TRIP11: variants seen among roughly 807,000 people sequenced by gnomAD.
TRIP11 encodes the protein thyroid receptor-interacting protein 11.
Under a neutral mutation model 223.1 loss-of-function variants are expected in TRIP11, and 148 were observed. That is an observed-to-expected ratio of 0.66 (90% CI 0.58 to 0.76). The LOEUF (loss-of-function observed/expected upper bound fraction) is 0.76. TRIP11 is among the 30% of genes least tolerant of loss of function. The pLI, the probability that TRIP11 is intolerant of heterozygous loss-of-function variation, is 0.00. For synonymous variants in TRIP11, 762 were observed against 772.6 expected (o/e 0.99, Z 0.23); for missense variants, 2,043 against 2,222.0 (o/e 0.92, Z 1.62).
chr14:92,007,920 C>T (rs919345994), intron 9 of TRIP11, 68 bp from the exon 10 acceptor site: 1 of 1,279,472 alleles, frequency 7.8e-7, no homozygotes, highest in South Asian at 1.3e-5. Flanking sequence ...TAAAAACATA[C>T]ATAGAAGCAA....
At chr14:92,011,481 C>G in intron 8 of TRIP11, among the ~76,000 whole-genome samples, 1 of 53,790 alleles carries the variant, frequency 1.9e-5, no homozygotes. Context: ...AAGACTCCGT[C>G]TCAAAAAAAA....
chr14:92,004,428 A>G lies in TRIP11; in HGVS notation c.3548T>C (p.Leu1183Ser), dbSNP rs2056870604. 1.2e-6 allele frequency: 2 copies of G among 1,614,016 alleles called. No homozygotes were observed. The highest frequency in any genetic ancestry group is 2.2e-5 in the South Asian group (2 of 91,088). Residue 1183 changes from leucine to serine, a missense_variant, in exon 11 of 21, where the codon TTA becomes TCA. Coordinates refer to ENST00000267622, the MANE Select transcript of TRIP11 (RefSeq NM_004239.4). ...GCTGGATGTTTGTAAAACTGCCAAT[A>G]AAGTCTGACATTTCTGACTTAGTGC... ...IDALSQKCQT[L>S]LAVLQTSSTG...
At chr14:92,028,399 C>A (rs1484341602) in intron 2 of TRIP11, among the ~76,000 whole-genome samples, 1 of 151,898 alleles carries the variant, frequency 6.6e-6, no homozygotes, top group African/African-American at 2.4e-5. Context: ...AATACAAATA[C>A]AAAATTAGCT....
At chr14:92,021,227 T>C (rs1013563031) in intron 4 of TRIP11, among the ~76,000 whole-genome samples, 1 of 151,712 alleles carries the variant, frequency 6.6e-6, no homozygotes, top group African/African-American at 2.4e-5. Flanking sequence ...ACCCCATCTC[T>C]ACTAAAGATA....
At chr14:91,997,641 G>A (rs1028447290) in intron 13 of TRIP11, among the ~76,000 whole-genome samples, 9 of 151,812 alleles carry the variant, frequency 5.9e-5, no homozygotes, top group Non-Finnish European at 8.8e-5. Flanking sequence ...GCAGAAGAAG[G>A]CATATGAAAA....
chr14:92,017,016 A>G (rs992378665), intron 5 of TRIP11, among the ~76,000 whole-genome samples: 7 of 152,218 alleles, frequency 4.6e-5, no homozygotes, highest in Admixed American at 3.3e-4. Flanking sequence ...TAAAATAAGT[A>G]TTTCCAATGC....
chr14:92,002,600 A>T (rs1181043692), intron 11 of TRIP11, among the ~76,000 whole-genome samples: 4 of 150,644 alleles, frequency 2.7e-5, no homozygotes, highest in African/African-American at 4.9e-5. Context: ...TTATTGAGAC[A>T]GAGTCTTGTT....
chr14:92,029,289 T>A (rs55724900), intron 2 of TRIP11, among the ~76,000 whole-genome samples: 1,744 of 66,854 alleles, frequency 0.026, 39 homozygotes, highest in African/African-American at 0.065. Flanking sequence ...TATTTTTTTT[T>A]TTTTTTTTTT....
Position 91,966,996 on chromosome 14 carries a change from T to A in TRIP11, c.*2677A>T, listed in dbSNP as rs941492714. 2.0e-5 allele frequency: 4 copies of A among 202,600 alleles called. No individual in the cohort carries two copies. The highest frequency in any genetic ancestry group is 9.2e-5 in the African/African-American group (4 of 43,604). The allele number at this position is 202,600 out of a possible 1,614,324, so 12.6% of individuals were successfully genotyped here. Reference sequence around the variant, plus strand: ...ATCACTGGTTACTAAGACGGTTCAGTGAGCAGGTGGTTCATCTCTGACACA... The same window carrying A: ...ATCACTGGTTACTAAGACGGTTCAGAGAGCAGGTGGTTCATCTCTGACACA... On this transcript the variant is annotated 3_prime_UTR_variant, in exon 21 of 21. Transcript: ENST00000267622.
rs561202970 is a variant in TRIP11 at position 91,974,503 on chromosome 14, C to T, written c.5574+124G>A. 4.0e-5 allele frequency: 32 copies of T among 797,162 alleles called. 1 individual carries two copies. The East Asian group carries it at 8.3e-4, about 21-fold the overall frequency. 49.4% of individuals were successfully genotyped at this position (797,162 alleles called of 1,614,324 possible). The stretch of plus-strand genomic sequence containing the variant: ...TAATCACCTCTCTGGAACTCAGTTT[C>T]TGCAACTTCAAAATAAAAGGGTTGT... On this transcript the variant is annotated intron_variant, in intron 19 of 20. Coordinates refer to ENST00000267622, the MANE Select transcript of TRIP11 (RefSeq NM_004239.4).
At chr14:92,034,661 C>A (rs1024897296) in intron 1 of TRIP11, among the ~76,000 whole-genome samples, 5 of 152,182 alleles carry the variant, frequency 3.3e-5, no homozygotes, top group African/African-American at 1.2e-4. Flanking sequence ...TTTTAATTTT[C>A]TTGGAAAGGG....
Position 92,019,822 on chromosome 14 carries a change from C to G in TRIP11, c.588+1734G>C, listed in dbSNP as rs139453184. ...TAAATATTTAACGCAAATTTTGGTTCACACACAAGTTATATAATATTACTT... is the reference window on the plus strand; with the variant it reads ...TAAATATTTAACGCAAATTTTGGTTGACACACAAGTTATATAATATTACTT... On this transcript the variant is annotated intron_variant, in intron 4 of 20. Transcript: ENST00000267622. 6.3e-3 allele frequency among the ~76,000 whole-genome samples: 961 copies of G among 152,268 alleles called. 11 individuals are homozygous for G. Among genetic ancestry groups the G allele is most frequent in the African/African-American group, 0.022 (900 of 41,538 alleles).
At chr14:92,032,810 G>T (rs1310482048) in intron 2 of TRIP11, among the ~76,000 whole-genome samples, 1 of 149,744 alleles carries the variant, frequency 6.7e-6, no homozygotes, top group East Asian at 2.0e-4. Context: ...TCCAGCCTGG[G>T]TGACAGAGTG....
intron 7 of TRIP11, among the ~76,000 whole-genome samples, chr14:92,012,875 A>C (rs2056989316): frequency 6.6e-6 from 1 of 152,192 alleles, no homozygotes; most frequent in Non-Finnish European, 1.5e-5. Context: ...TAAAGTACTA[A>C]ATGCAGGGGA....
chr14:92,017,676 ACTTAC>A lies in TRIP11; in HGVS notation c.657+1_657+5del, dbSNP rs2057051383. ...ACTCCCATCATCAATCAACAATTTG[ACTTAC>A]CTTAATGATATTTTGTAGTTTACAT... On this transcript the variant is annotated splice_donor_variant and splice_donor_5th_base_variant and intron_variant, in intron 5 of 20. Coordinates refer to ENST00000267622, the MANE Select transcript of TRIP11 (RefSeq NM_004239.4). LOFTEE classifies it high-confidence loss of function. 1 of 1,605,512 alleles carries A rather than the reference ACTTAC, an allele frequency of 6.2e-7. No individual in the cohort carries two copies. The highest frequency in any genetic ancestry group is 1.1e-5 in the South Asian group (1 of 90,724).
At position 91,972,927 on chromosome 14, in the gene TRIP11, A is replaced by G. The variant is rs2056417287; in HGVS notation, c.5575-66T>C. The G allele has an allele frequency of 3.8e-6, 5 of 1,300,508 alleles. No individual in the cohort carries two copies. The South Asian group carries it at 6.8e-5, about 18-fold the overall frequency. 80.6% of individuals were successfully genotyped at this position (1,300,508 alleles called of 1,614,324 possible). ...AGTTATATTCACTACAACTAAGGAA[A>G]TGTACCAGCTTTTCTAATTAAATAT... is the stretch of plus-strand genomic sequence containing the variant. On this transcript the variant is annotated intron_variant, in intron 19 of 20. Coordinates refer to ENST00000267622, the MANE Select transcript of TRIP11 (RefSeq NM_004239.4).
chr14:92,003,373 TC>T, intron 11 of TRIP11, 45 bp downstream of exon 11: 2 of 1,607,452 alleles, frequency 1.2e-6, no homozygotes. Flanking sequence ...AAAAAAAGTC[TC>T]CTCCACCCCC....
rs2056375387 is a variant in TRIP11 at position 91,969,578 on chromosome 14, G to A, written c.*95C>T. 8.2e-7 allele frequency: 1 copy of A among 1,217,998 alleles called. No homozygotes were observed. The highest frequency in any genetic ancestry group is 1.7e-5 in the Admixed American group (1 of 57,508). 75.4% of individuals were successfully genotyped at this position (1,217,998 alleles called of 1,614,324 possible). A position where few individuals can be genotyped will look rare whatever the true frequency, so the allele number is the denominator to read the frequency against. On this transcript the variant is annotated 3_prime_UTR_variant, in exon 21 of 21. Transcript: ENST00000267622. The stretch of plus-strand genomic sequence containing the variant: ...AAAGCATAATTGCGAACAAATACAT[G>A]ACTTTCTCCCCAAAGGCCACTTTGT...
chr14:91,994,039 C>T, intron 14 of TRIP11, 127 bp from the exon 15 acceptor site: 1 of 715,104 alleles, frequency 1.4e-6, no homozygotes. Flanking sequence ...AGAATATATG[C>T]CTTAGTGATA....
Sources: gnomAD v4.1 joint callset for allele counts (sites outside exome capture counted in the v4.1 genomes callset) on GRCh38, gnomAD v4.1.1 for gene constraint, MANE v1.5 for transcripts, NCBI Gene and HGNC (gene_info 2026-07-23, HGNC 2026-07-21) for gene names.